SPRY3: variants seen among roughly 807,000 people sequenced by gnomAD.
SPRY3 encodes the protein protein sprouty homolog 3.
A neutral mutation model predicts 20.2 loss-of-function variants in SPRY3; 15 were observed. The observed-to-expected ratio is 0.74, with a 90% CI of 0.50 to 1.14. The LOEUF is 1.14. Among genes scored for constraint, SPRY3 ranks in the 50% most tolerant of loss-of-function variants. The pLI, the probability that SPRY3 is intolerant of heterozygous loss-of-function variation, is 0.00. For synonymous variants in SPRY3, 143 were observed against 136.5 expected, an observed-to-expected ratio of 1.05 and a Z score of -0.33; for missense variants, 364 against 363.9, an observed-to-expected ratio of 1.00 and a Z score of 0.00.
At chrX:155,736,956 G>T (rs2091174202) in intron 2 of SPRY3, among the ~76,000 whole-genome samples, 1 of 151,810 alleles carries the variant, frequency 6.6e-6, no homozygotes, top group South Asian at 2.1e-4. Context: ...ATCTTTTCCT[G>T]GACCATGTCT....
At chrX:155,731,130 T>C (rs2091129693) in intron 2 of SPRY3, among the ~76,000 whole-genome samples, 1 of 151,974 alleles carries the variant, frequency 6.6e-6, no homozygotes, top group Non-Finnish European at 1.5e-5. Context: ...AAAATACCAA[T>C]GACATTCTTC....
chrX:155,735,686 A>T (rs1466916544), intron 2 of SPRY3, among the ~76,000 whole-genome samples: 4 of 151,904 alleles, frequency 2.6e-5, no homozygotes, highest in Non-Finnish European at 5.9e-5. Flanking sequence ...CTTTACTTTT[A>T]ATATATCTGG....
At chrX:155,707,193 A>G (rs2090957891) in intron 2 of SPRY3, among the ~76,000 whole-genome samples, 1 of 151,116 alleles carries the variant, frequency 6.6e-6, no homozygotes, top group African/African-American at 2.4e-5. Flanking sequence ...TTTTGTTGTC[A>G]TTTTCCTCCA....
At chrX:155,666,763 G>A (rs1175131931) in intron 2 of SPRY3, among the ~76,000 whole-genome samples, 1 of 111,135 alleles carries the variant, frequency 9.0e-6, no homozygotes, top group African/African-American at 3.3e-5. Context: ...TATGGACCTG[G>A]AAGACTTTGC....
At chrX:155,704,592 G>T (rs1230631333) in intron 2 of SPRY3, among the ~76,000 whole-genome samples, 1 of 151,580 alleles carries the variant, frequency 6.6e-6, no homozygotes, top group African/African-American at 2.4e-5. Flanking sequence ...AAAGAATGGG[G>T]CAGAAAAAGT....
intron 2 of SPRY3, among the ~76,000 whole-genome samples, chrX:155,751,609 T>A (rs2091262375): frequency 6.6e-6 from 1 of 151,844 alleles, no homozygotes; most frequent in African/African-American, 2.4e-5. Flanking sequence ...TATTATAATG[T>A]AAGAATTTTT....
rs758649916 is a variant in SPRY3 at position 155,719,774 on chromosome X, C to G, written c.-281-48188C>G. 2.6e-5 allele frequency among the ~76,000 whole-genome samples: 4 copies of G among 152,150 alleles called. No homozygotes were observed. In the South Asian group the frequency reaches 8.3e-4, roughly 32 times the overall value. On this transcript the variant is annotated intron_variant, in intron 2 of 3. Transcript: ENST00000675360. ...GGAAGGACCCAGTCCTGGCAGCATT[C>G]ATCACCTGCTAATTAAAGAGCCCTG...
chrX:155,692,110 G>A (rs2068103518), intron 2 of SPRY3, among the ~76,000 whole-genome samples: 1 of 110,314 alleles, frequency 9.1e-6, no homozygotes, highest in African/African-American at 3.3e-5. Flanking sequence ...ATAGAGAGTA[G>A]AATGATGGTT....
At chrX:155,726,391 G>A (rs768917811) in intron 2 of SPRY3, among the ~76,000 whole-genome samples, 153 of 152,052 alleles carry the variant, frequency 1.0e-3, no homozygotes, top group Admixed American at 5.0e-3. Flanking sequence ...CTTCTTTCTC[G>A]TTTATCTGTC....
At chrX:155,719,074 A>C (rs180962246) in intron 2 of SPRY3, among the ~76,000 whole-genome samples, 1 of 152,286 alleles carries the variant, frequency 6.6e-6, no homozygotes, top group Non-Finnish European at 1.5e-5. Flanking sequence ...AACAGTCTTG[A>C]ATCACTGATG....
chrX:155,676,502 G>A (rs2068059244), intron 2 of SPRY3, among the ~76,000 whole-genome samples: 1 of 111,571 alleles, frequency 9.0e-6, no homozygotes, highest in African/African-American at 3.3e-5. Flanking sequence ...GGCAAATGAA[G>A]TGGGTCAAGT....
intron 2 of SPRY3, among the ~76,000 whole-genome samples, chrX:155,742,803 A>G (rs756364228): frequency 2.0e-5 from 3 of 152,324 alleles, no homozygotes; most frequent in African/African-American, 7.2e-5. Flanking sequence ...CAAAGAGGCA[A>G]TGTGCCAGAA....
intron 1 of SPRY3, among the ~76,000 whole-genome samples, chrX:155,614,949 A>C (rs1478428524): frequency 6.3e-5 from 7 of 111,808 alleles, no homozygotes; most frequent in Admixed American, 2.8e-4. Flanking sequence ...GAACACACCA[A>C]ACTTGTTCTT....
At chrX:155,623,197 A>T (rs989854165) in intron 1 of SPRY3, among the ~76,000 whole-genome samples, 5 of 111,914 alleles carry the variant, frequency 4.5e-5, no homozygotes, top group Non-Finnish European at 9.4e-5. Context: ...TCAGGGATTG[A>T]GTATATAAAA....
intron 2 of SPRY3, among the ~76,000 whole-genome samples, chrX:155,755,086 C>G (rs1234710081): frequency 1.4e-5 from 2 of 141,264 alleles, no homozygotes; most frequent in Non-Finnish European, 3.0e-5. Context: ...ACACACACAC[C>G]CTGTAGGCTG....
At chrX:155,634,119 T>C (rs889306994) in intron 1 of SPRY3, among the ~76,000 whole-genome samples, 4 of 110,557 alleles carry the variant, frequency 3.6e-5, no homozygotes, top group African/African-American at 9.9e-5. Context: ...GGTGAAGTTT[T>C]CTTGGGATCC....
intron 1 of SPRY3, 128 bp downstream of exon 1, chrX:155,612,775 C>T (rs1480634401): frequency 8.9e-6 from 1 of 112,327 alleles, no homozygotes; most frequent in South Asian, 3.8e-4. Flanking sequence ...TTCCCTGACC[C>T]ACGGGACGGA....
intron 2 of SPRY3, among the ~76,000 whole-genome samples, chrX:155,762,563 G>A (rs926165913): frequency 2.6e-5 from 4 of 152,130 alleles, no homozygotes; most frequent in African/African-American, 7.2e-5. Context: ...CTTCAAACTT[G>A]TGTAACTAAA....
At chrX:155,739,188 G>A (rs1282453883) in intron 2 of SPRY3, among the ~76,000 whole-genome samples, 1 of 152,174 alleles carries the variant, frequency 6.6e-6, no homozygotes, top group African/African-American at 2.4e-5. Flanking sequence ...GCCGGATCAT[G>A]GCCAGACTAC....
Sources: gnomAD v4.1 joint callset for allele counts (sites outside exome capture counted in the v4.1 genomes callset) on GRCh38, gnomAD v4.1.1 for gene constraint, MANE v1.5 for transcripts, NCBI Gene and HGNC (gene_info 2026-07-23, HGNC 2026-07-21) for gene names.